Variants in RASAL2 observed in about 807,000 individuals in gnomAD.
The protein encoded by RASAL2 is ras GTPase-activating protein nGAP.
A neutral mutation model predicts 128.9 loss-of-function variants in RASAL2; 58 were observed. The observed-to-expected ratio is 0.45, with a 90% CI of 0.36 to 0.56. RASAL2 has a LOEUF of 0.56. Ranked by LOEUF, RASAL2 falls within the 20% of genes least tolerant of loss-of-function variation. The pLI is 0.00. For missense variants in RASAL2, 1,360 were observed against 1,601.6 expected (o/e 0.85, Z 2.57); for synonymous variants, 561 against 580.8 (o/e 0.97, Z 0.49).
intron 4 of RASAL2, among the ~76,000 whole-genome samples, chr1:178,412,129 C>CT (rs1674433481): frequency 6.6e-6 from 1 of 151,146 alleles, no homozygotes; most frequent in Non-Finnish European, 1.5e-5. Context: ...AATTATGAAG[C>CT]TAGGGTACTA....
rs1006806254 is a variant in RASAL2, at chr1:178,478,715, G to C, written c.*5476G>C. The C allele has an allele frequency of 7.9e-5, 12 of 152,090 alleles. No homozygotes were observed. The highest frequency in any genetic ancestry group is 2.9e-4 in the African/African-American group (12 of 41,400). 9.4% of individuals were successfully genotyped at this position (152,090 alleles called of 1,614,324 possible). A position where few individuals can be genotyped will look rare whatever the true frequency, so the allele number is the denominator to read the frequency against. ...ATCCGTATCAGCATTTCATTACCTGGGTTTGTTCTAAAGAAGATTTATTTT... is the reference window on the plus strand; with the variant it reads ...ATCCGTATCAGCATTTCATTACCTGCGTTTGTTCTAAAGAAGATTTATTTT... On this transcript the variant is annotated 3_prime_UTR_variant, in exon 18 of 18. Coordinates refer to ENST00000367649, the MANE Select transcript of RASAL2 (RefSeq NM_170692.4).
At chr1:178,372,545 A>G (rs1031292545) in intron 3 of RASAL2, among the ~76,000 whole-genome samples, 22 of 152,206 alleles carry the variant, frequency 1.4e-4, no homozygotes, top group Admixed American at 3.3e-4. Flanking sequence ...GCTTTGCCTT[A>G]ACAAAGAGTG....
intron 1 of RASAL2, among the ~76,000 whole-genome samples, chr1:178,223,779 T>C (rs1010693291): frequency 1.3e-5 from 2 of 151,964 alleles, no homozygotes; most frequent in African/African-American, 4.8e-5. Flanking sequence ...TGGTGAGAAG[T>C]AGATAGGTTG....
intron 2 of RASAL2, among the ~76,000 whole-genome samples, chr1:178,287,275 CAT>C (rs1429850480): frequency 3.3e-5 from 5 of 151,848 alleles, no homozygotes; most frequent in Admixed American, 2.6e-4. Flanking sequence ...CTGCAAACCT[CAT>C]ATCAGCCCAT....
intron 3 of RASAL2, among the ~76,000 whole-genome samples, chr1:178,321,487 T>G (rs1457952247): frequency 6.6e-6 from 1 of 152,090 alleles, no homozygotes; most frequent in African/African-American, 2.4e-5. Flanking sequence ...GTTTCATAAC[T>G]TCATTATTTT....
chr1:178,272,858 G>T (rs1395831191), intron 1 of RASAL2, among the ~76,000 whole-genome samples: 1 of 152,108 alleles, frequency 6.6e-6, no homozygotes, highest in Non-Finnish European at 1.5e-5. Context: ...AACCCAGGAG[G>T]CAGAGGTTGC....
chr1:178,249,733 G>A (rs566845947), intron 1 of RASAL2, among the ~76,000 whole-genome samples: 23 of 152,158 alleles, frequency 1.5e-4, no homozygotes, highest in African/African-American at 4.3e-4. Flanking sequence ...TGTATGGGTC[G>A]TTTTTGTTGA....
intron 1 of RASAL2, among the ~76,000 whole-genome samples, chr1:178,200,095 C>A (rs1662810621): frequency 6.6e-6 from 1 of 152,156 alleles, no homozygotes; most frequent in Non-Finnish European, 1.5e-5. Context: ...GTTAATACTC[C>A]TTAATATACT....
intron 1 of RASAL2, among the ~76,000 whole-genome samples, chr1:178,146,133 A>G (rs1188896921): frequency 6.6e-6 from 1 of 152,240 alleles, no homozygotes; most frequent in African/African-American, 2.4e-5. Context: ...TATATTTTCC[A>G]TTAGCAAGGT....
chr1:178,327,892 A>G (rs956024988), intron 3 of RASAL2, among the ~76,000 whole-genome samples: 2 of 152,120 alleles, frequency 1.3e-5, no homozygotes, highest in Admixed American at 1.3e-4. Context: ...CATGGAGGAG[A>G]AGGCCTTGTG....
chr1:178,311,582 C>G (rs1422613985), intron 3 of RASAL2, among the ~76,000 whole-genome samples: 1 of 151,916 alleles, frequency 6.6e-6, no homozygotes, highest in East Asian at 1.9e-4. Context: ...TTGGGAGATA[C>G]TAGGCAAAAT....
intron 1 of RASAL2, among the ~76,000 whole-genome samples, chr1:178,238,130 GTC>G (rs1302391654): frequency 6.6e-6 from 1 of 152,096 alleles, no homozygotes; most frequent in Non-Finnish European, 1.5e-5. Flanking sequence ...GTAATATACT[GTC>G]TCTATAGATT....
chr1:178,213,563 T>G (rs1206155936), intron 1 of RASAL2, among the ~76,000 whole-genome samples: 1 of 152,058 alleles, frequency 6.6e-6, no homozygotes, highest in East Asian at 1.9e-4. Context: ...ATAATCAAGT[T>G]ATATACAACA....
chr1:178,146,319 A>AT (rs1660729213), intron 1 of RASAL2, among the ~76,000 whole-genome samples: 2 of 152,212 alleles, frequency 1.3e-5, no homozygotes, highest in South Asian at 4.1e-4. Flanking sequence ...TCCTAAGAGG[A>AT]TTTTGAGTTT....
intron 3 of RASAL2, among the ~76,000 whole-genome samples, chr1:178,311,253 A>AAC (rs67243509): frequency 0.43 from 61,785 of 143,488 alleles, 13,514 homozygotes; most frequent in East Asian, 0.55. Flanking sequence ...CACACACACA[A>AAC]ACACACACAC....
chr1:178,476,678 A>G lies in RASAL2; in HGVS notation c.*3439A>G, dbSNP rs1648697037. The G allele has an allele frequency of 6.6e-6, 1 of 152,202 alleles. No homozygotes were observed. Among genetic ancestry groups the G allele is most frequent in the Admixed American group, 6.5e-5 (1 of 15,288 alleles). The allele number at this position is 152,202 out of a possible 1,614,324, so 9.4% of individuals were successfully genotyped here. A position where few individuals can be genotyped will look rare whatever the true frequency, so the allele number is the denominator to read the frequency against. ...AAGAAGATTACCTAAGACTGCTACA[A>G]GTGTTAACTATATGCCCTTAAGAAT... On this transcript the variant is annotated 3_prime_UTR_variant, in exon 18 of 18. Transcript: ENST00000367649.
chr1:178,133,611 T>C (rs905678027), intron 1 of RASAL2, among the ~76,000 whole-genome samples: 3 of 152,140 alleles, frequency 2.0e-5, no homozygotes, highest in African/African-American at 4.8e-5. Context: ...TTGTCTGATA[T>C]GTAATTAGGT....
At chr1:178,434,431 G>A (rs1676124426) in intron 5 of RASAL2, among the ~76,000 whole-genome samples, 1 of 152,180 alleles carries the variant, frequency 6.6e-6, no homozygotes, top group East Asian at 1.9e-4. Context: ...TTTACCATGA[G>A]TTTCTCATTT....
At chr1:178,137,339 G>T (rs1660363873) in intron 1 of RASAL2, among the ~76,000 whole-genome samples, 1 of 152,128 alleles carries the variant, frequency 6.6e-6, no homozygotes, top group African/African-American at 2.4e-5. Flanking sequence ...TTTTGCTTCT[G>T]CTCGCAGAAT....
Sources: gnomAD v4.1 joint callset for allele counts (sites outside exome capture counted in the v4.1 genomes callset) on GRCh38, gnomAD v4.1.1 for gene constraint, MANE v1.5 for transcripts, NCBI Gene and HGNC (gene_info 2026-07-23, HGNC 2026-07-21) for gene names.